The following BMPR1B variants were observed in gnomAD, a reference collection of about 807,000 sequenced individuals.
BMPR1B encodes bone morphogenetic protein receptor type 1B.
BMPR1B carries 12 observed loss-of-function variants against 59.1 expected under a neutral mutation model. That is an observed-to-expected ratio of 0.20 (90% CI 0.13 to 0.33). The LOEUF is 0.33. Among genes scored for constraint, BMPR1B ranks in the 10% least tolerant of loss-of-function variants. The pLI, the probability that BMPR1B is intolerant of heterozygous loss-of-function variation, is 1.00. For missense variants in BMPR1B, 550 were observed against 610.9 expected, an observed-to-expected ratio of 0.90 and a Z score of 1.05; for synonymous variants, 237 against 207.3, an observed-to-expected ratio of 1.14 and a Z score of -1.23.
chr4:95,073,848 C>T (rs1440477609), intron 3 of BMPR1B, among the ~76,000 whole-genome samples: 1 of 152,032 alleles, frequency 6.6e-6, no homozygotes, highest in Non-Finnish European at 1.5e-5. Context: ...TTTATGAAGT[C>T]CTTTGACAAT....
intron 1 of BMPR1B, among the ~76,000 whole-genome samples, chr4:94,841,147 G>A (rs1347379786): frequency 6.7e-6 from 1 of 149,166 alleles, no homozygotes; most frequent in Non-Finnish European, 1.5e-5. Flanking sequence ...CGTGCTGGGA[G>A]AACCACTGCT....
At chr4:94,790,255 A>G (rs1391988110) in intron 1 of BMPR1B, among the ~76,000 whole-genome samples, 1 of 152,194 alleles carries the variant, frequency 6.6e-6, no homozygotes, top group African/African-American at 2.4e-5. Flanking sequence ...AGTTGTACAT[A>G]TATTAAGGTT....
chr4:95,153,013 C>T (rs1284280878), intron 12 of BMPR1B, among the ~76,000 whole-genome samples: 1 of 152,114 alleles, frequency 6.6e-6, no homozygotes, highest in African/African-American at 2.4e-5. Flanking sequence ...GTTTAGCCTG[C>T]ATAACAAATA....
intron 2 of BMPR1B, among the ~76,000 whole-genome samples, chr4:94,886,392 A>C (rs1251113813): frequency 1.3e-5 from 2 of 152,210 alleles, no homozygotes; most frequent in East Asian, 1.9e-4. Flanking sequence ...ATTTGAGCAT[A>C]ATGTTCTCTG....
chr4:95,075,917 C>T (rs1405173289), intron 3 of BMPR1B, among the ~76,000 whole-genome samples: 1 of 151,888 alleles, frequency 6.6e-6, no homozygotes, highest in East Asian at 1.9e-4. Context: ...TCTAGTTGGG[C>T]TGAAGGATCA....
intron 1 of BMPR1B, among the ~76,000 whole-genome samples, chr4:94,823,322 G>A (rs1009066145): frequency 1.3e-5 from 2 of 152,148 alleles, no homozygotes; most frequent in Non-Finnish European, 2.9e-5. Flanking sequence ...AGGGGTCAGT[G>A]GGAGAACGGA....
Position 95,118,986 on chromosome 4 carries a change from AATAAG to A in BMPR1B, c.349+3205_349+3209del, listed in dbSNP as rs1421097225. 2.0e-5 allele frequency among the ~76,000 whole-genome samples: 3 copies of A among 152,166 alleles called. No homozygotes were observed. In the East Asian group the frequency reaches 5.8e-4, roughly 29 times the overall value. ...CATTGCTCTCATAAATCAGAAATAT[AATAAG>A]ATAAGTAATACACAGTGTTCTTGCA... is the stretch of plus-strand genomic sequence containing the variant. On this transcript the variant is annotated intron_variant, in intron 6 of 12. Transcript: ENST00000515059.
intron 2 of BMPR1B, among the ~76,000 whole-genome samples, chr4:94,913,709 TGA>T (rs1301829764): frequency 1.3e-5 from 2 of 152,106 alleles, no homozygotes; most frequent in Non-Finnish European, 2.9e-5. Flanking sequence ...AGGTGGTGGA[TGA>T]GGGGTACAAA....
At chr4:94,807,870 A>G (rs1022288476) in intron 1 of BMPR1B, among the ~76,000 whole-genome samples, 8 of 152,070 alleles carry the variant, frequency 5.3e-5, no homozygotes, top group Non-Finnish European at 1.2e-4. Flanking sequence ...CTTTTAGTAG[A>G]GGCGAGGTTT....
intron 2 of BMPR1B, among the ~76,000 whole-genome samples, chr4:94,954,635 CTT>C (rs1470079960): frequency 6.6e-6 from 1 of 152,096 alleles, no homozygotes. Context: ...ATAACTCAGT[CTT>C]TCTATTTATG....
chr4:95,004,554 A>G (rs908615428), intron 3 of BMPR1B, among the ~76,000 whole-genome samples: 3 of 152,126 alleles, frequency 2.0e-5, no homozygotes, highest in Non-Finnish European at 2.9e-5. Flanking sequence ...ATTACTGCAC[A>G]TTATATGGTT....
At chr4:94,943,466 T>A (rs1729596152) in intron 2 of BMPR1B, among the ~76,000 whole-genome samples, 2 of 152,310 alleles carry the variant, frequency 1.3e-5, no homozygotes, top group South Asian at 4.1e-4. Context: ...ACTCAGCATA[T>A]CTGTTCCTCT....
chr4:94,825,279 G>C (rs536613380), intron 1 of BMPR1B, among the ~76,000 whole-genome samples: 1 of 152,136 alleles, frequency 6.6e-6, no homozygotes, highest in Non-Finnish European at 1.5e-5. Flanking sequence ...GAGGCAGGAG[G>C]ATCTATTGAG....
At chr4:95,002,146 T>C (rs1722493695) in intron 3 of BMPR1B, among the ~76,000 whole-genome samples, 1 of 152,100 alleles carries the variant, frequency 6.6e-6, no homozygotes, top group Non-Finnish European at 1.5e-5. Context: ...TCCCTCCACC[T>C]CTGGTAGTCT....
At chr4:94,957,738 A>C (rs1049060055) in intron 2 of BMPR1B, among the ~76,000 whole-genome samples, 2 of 152,148 alleles carry the variant, frequency 1.3e-5, no homozygotes, top group Non-Finnish European at 2.9e-5. Flanking sequence ...TCTAAGATAC[A>C]TTTCGCTTTG....
At chr4:94,819,703 C>G (rs922365362) in intron 1 of BMPR1B, among the ~76,000 whole-genome samples, 1 of 152,196 alleles carries the variant, frequency 6.6e-6, no homozygotes, top group Non-Finnish European at 1.5e-5. Context: ...AATCTGAACA[C>G]TCTTGAGATT....
chr4:94,760,758 AT>A (rs950643004), intron 1 of BMPR1B, among the ~76,000 whole-genome samples: 2 of 152,262 alleles, frequency 1.3e-5, no homozygotes, highest in African/African-American at 4.8e-5. Flanking sequence ...TTTTCTCTGA[AT>A]TTCAGATGCC....
At chr4:94,820,421 CT>C (rs1217893117) in intron 1 of BMPR1B, among the ~76,000 whole-genome samples, 7 of 152,246 alleles carry the variant, frequency 4.6e-5, no homozygotes, top group Non-Finnish European at 1.0e-4. Flanking sequence ...GCTTGCCTGT[CT>C]TCCCAGTGGG....
chr4:94,937,629 A>G (rs1213047327), intron 2 of BMPR1B, among the ~76,000 whole-genome samples: 4 of 152,232 alleles, frequency 2.6e-5, no homozygotes, highest in Non-Finnish European at 4.4e-5. Context: ...ACTTAAATAC[A>G]TGAAATAATG....
Sources: gnomAD v4.1 joint callset for allele counts (sites outside exome capture counted in the v4.1 genomes callset) on GRCh38, gnomAD v4.1.1 for gene constraint, MANE v1.5 for transcripts, NCBI Gene and HGNC (gene_info 2026-07-23, HGNC 2026-07-21) for gene names.